Variants in FBXL14 observed in about 807,000 individuals in gnomAD.
FBXL14 encodes the protein F-box/LRR-repeat protein 14.
In FBXL14, 11 loss-of-function variants were observed where a neutral mutation model predicts 24.5. The observed-to-expected ratio is 0.45, with a 90% CI of 0.28 to 0.74. The LOEUF is 0.74. Among genes scored for constraint, FBXL14 ranks in the 30% least tolerant of loss-of-function variants. The pLI, the probability that FBXL14 is intolerant of heterozygous loss-of-function variation, is 0.12. For missense variants in FBXL14, 384 were observed against 545.6 expected (o/e 0.70, Z 2.95); for synonymous variants, 294 against 240.4 (o/e 1.22, Z -2.06).
At chr12:1,586,182 G>GGTTTTT (rs376550459) in intron 1 of FBXL14, among the ~76,000 whole-genome samples, 2 of 137,776 alleles carry the variant, frequency 1.5e-5, no homozygotes, top group African/African-American at 5.3e-5. Flanking sequence ...AGCATTTGGG[G>GGTTTTT]TTTTTTTTTT....
Position 1,566,793 on chromosome 12 carries a change from A to C in FBXL14, c.1212T>G (p.Phe404Leu). 1.3e-6 allele frequency: 1 copy of C among 781,054 alleles called. No homozygotes were observed. The highest frequency in any genetic ancestry group is 2.4e-6 in the Non-Finnish European group (1 of 418,108). 48.4% of individuals were successfully genotyped at this position (781,054 alleles called of 1,614,324 possible). A position where few individuals can be genotyped will look rare whatever the true frequency, so the allele number is the denominator to read the frequency against. ...TDSEKEARGD[F>L]SPLFTVRTRG... ...GAGTTCTCACAGTGAATAATGGAGA[A>C]AAATCCCCTCGTGCCTCCTGCAGTG... is the stretch of plus-strand genomic sequence containing the variant. Residue 404 changes from phenylalanine (F) to leucine (L), a missense_variant, in exon 2 of 2, where the codon TTT becomes TTG. Phe to Leu is a conservative substitution (Grantham distance 22). Transcript: ENST00000339235.
chr12:1,572,436 A>C (rs986026693), intron 1 of FBXL14, among the ~76,000 whole-genome samples: 1 of 152,256 alleles, frequency 6.6e-6, no homozygotes, highest in African/African-American at 2.4e-5. Flanking sequence ...CCCTTTCAAC[A>C]CAAGAACATT....
chr12:1,580,244 A>T (rs1398232713), intron 1 of FBXL14, among the ~76,000 whole-genome samples: 1 of 152,228 alleles, frequency 6.6e-6, no homozygotes, highest in East Asian at 1.9e-4. Context: ...ATGGACACAG[A>T]GCGAACGCTG....
At chr12:1,589,509 A>C (rs2094484690) in intron 1 of FBXL14, among the ~76,000 whole-genome samples, 1 of 149,482 alleles carries the variant, frequency 6.7e-6, no homozygotes, top group East Asian at 2.0e-4. Flanking sequence ...AGGGAAATGG[A>C]GAAATGGAGC....
At chr12:1,583,209 TTC>T (rs1342893919) in intron 1 of FBXL14, among the ~76,000 whole-genome samples, 2 of 152,156 alleles carry the variant, frequency 1.3e-5, no homozygotes, top group Non-Finnish European at 2.9e-5. Context: ...ACAGATACAC[TTC>T]TGATTTTTCT....
Position 1,593,686 on chromosome 12 carries a change from G to A in FBXL14, c.381C>T (p.Cys127=), listed in dbSNP as rs150585689. The change falls in exon 1 of 2, where the codon TGC becomes TGT. Residue 127 remains cysteine, a synonymous_variant. Transcript: ENST00000339235. The surrounding 1 kb of genome is among the most constrained non-coding windows in gnomAD (Gnocchi z 7.4). ...GSLRALNLSL[C]KQITDSSLGR... is the part of the protein sequence containing the mutation. ...CCAGGCTGCTGTCAGTGATCTGCTT[G>A]CAGAGGCTCAGGTTGAGAGCGCGCA... 11,723 of 1,614,158 alleles carry A rather than the reference G, an allele frequency of 7.3e-3. 55 individuals carry two copies. Among genetic ancestry groups the A allele is most frequent in the Non-Finnish European group, 8.9e-3 (10,483 of 1,180,024 alleles).
intron 1 of FBXL14, among the ~76,000 whole-genome samples, chr12:1,589,633 A>T (rs1169935415): frequency 1.3e-5 from 2 of 152,166 alleles, no homozygotes; most frequent in Non-Finnish European, 2.9e-5. Flanking sequence ...TTGAAGATTA[A>T]AACTTACAAG....
intron 1 of FBXL14, among the ~76,000 whole-genome samples, chr12:1,591,353 T>TG (rs951315361): frequency 1.3e-5 from 2 of 151,282 alleles, no homozygotes; most frequent in Non-Finnish European, 2.9e-5. Context: ...TGTTGTTTTT[T>TG]TTTTTTTTTT....
Position 1,582,290 on chromosome 12 carries a change from T to C in FBXL14, c.1194+10583A>G, listed in dbSNP as rs2094468201. Among the ~76,000 whole-genome samples, 4 of 152,104 alleles carry C rather than the reference T, an allele frequency of 2.6e-5. No homozygotes were observed. In the South Asian group the frequency reaches 8.3e-4, roughly 32 times the overall value. Reference sequence around the variant, plus strand: ...AAGAAAACGGAGTCCAGGAAAGCTGTTCTTGGAGGCTATGAATCAAGGAGC... The same window carrying C: ...AAGAAAACGGAGTCCAGGAAAGCTGCTCTTGGAGGCTATGAATCAAGGAGC... On this transcript the variant is annotated intron_variant, in intron 1 of 1. Coordinates refer to ENST00000339235, the MANE Select transcript of FBXL14 (RefSeq NM_152441.3).
intron 1 of FBXL14, among the ~76,000 whole-genome samples, chr12:1,576,119 AAAAC>A: frequency 6.7e-6 from 1 of 150,104 alleles, no homozygotes; most frequent in East Asian, 1.9e-4. Context: ...TTTATCTAAT[AAAAC>A]AAAATTACTG....
chr12:1,592,336 G>C (rs983084081), intron 1 of FBXL14, among the ~76,000 whole-genome samples: 7 of 151,790 alleles, frequency 4.6e-5, no homozygotes, highest in African/African-American at 1.7e-4. Flanking sequence ...GAATAGCAGA[G>C]TACTGTAAGA....
chr12:1,568,174 A>G (rs988526841), intron 1 of FBXL14, among the ~76,000 whole-genome samples: 1 of 152,246 alleles, frequency 6.6e-6, no homozygotes, highest in African/African-American at 2.4e-5. Flanking sequence ...AGTGAAAAAA[A>G]CACATTACCT....
chr12:1,571,245 G>A (rs1292563634), intron 1 of FBXL14, among the ~76,000 whole-genome samples: 1 of 151,826 alleles, frequency 6.6e-6, no homozygotes, highest in Admixed American at 6.6e-5. Flanking sequence ...TTTTGCTCTT[G>A]TTGGCCAGGC....
At position 1,594,205 on chromosome 12, in the gene FBXL14, T is replaced by C; in HGVS notation, c.-139A>G. ...CGCCTCGGGCCCAACGGCCGGCCCCTCCCCGCCTTCCGGCTCCGGCCGCCG... is the reference window on the plus strand; with the variant it reads ...CGCCTCGGGCCCAACGGCCGGCCCCCCCCCGCCTTCCGGCTCCGGCCGCCG... On this transcript the variant is annotated 5_prime_UTR_variant, in exon 1 of 2. Transcript: ENST00000339235. 2.3e-6 allele frequency: 1 copy of C among 438,286 alleles called. No homozygotes were observed. Among genetic ancestry groups the C allele is most frequent in the Middle Eastern group, 8.9e-4 (1 of 1,120 alleles). The allele number at this position is 438,286 out of a possible 1,614,324, so 27.1% of individuals were successfully genotyped here. A position where few individuals can be genotyped will look rare whatever the true frequency, so the allele number is the denominator to read the frequency against.
In FBXL14 at chr12:1,566,533, A is replaced by G. The variant is rs2094436612; in HGVS notation, c.*215T>C. On this transcript the variant is annotated 3_prime_UTR_variant, in exon 2 of 2. Coordinates refer to ENST00000339235, the MANE Select transcript of FBXL14 (RefSeq NM_152441.3). Reference sequence around the variant, plus strand: ...TCTCCTTGGATCCATAAAGGAAGCGAGGTCTCAGAGCAAACCACTGTCCCC... The same window carrying G: ...TCTCCTTGGATCCATAAAGGAAGCGGGGTCTCAGAGCAAACCACTGTCCCC... 2.2e-6 allele frequency: 1 copy of G among 457,430 alleles called. No individual in the cohort carries two copies. Among genetic ancestry groups the G allele is most frequent in the Admixed American group, 4.1e-5 (1 of 24,546 alleles). The allele number at this position is 457,430 out of a possible 1,614,324, so 28.3% of individuals were successfully genotyped here. A position where few individuals can be genotyped will look rare whatever the true frequency, so the allele number is the denominator to read the frequency against.
At chr12:1,570,955 A>G (rs1325939112) in intron 1 of FBXL14, among the ~76,000 whole-genome samples, 1 of 152,180 alleles carries the variant, frequency 6.6e-6, no homozygotes, top group East Asian at 1.9e-4. Context: ...GCTCCTCCAG[A>G]TGAGCGGTTG....
chr12:1,589,112 G>A (rs1022950017), intron 1 of FBXL14, among the ~76,000 whole-genome samples: 17 of 150,884 alleles, frequency 1.1e-4, no homozygotes, highest in East Asian at 2.0e-4. Flanking sequence ...CCTGGGCCAC[G>A]CAGAGTGGCT....
chr12:1,590,632 AC>A (rs1330214514), intron 1 of FBXL14, among the ~76,000 whole-genome samples: 1 of 151,990 alleles, frequency 6.6e-6, no homozygotes, highest in African/African-American at 2.4e-5. Context: ...CAGTCTAAAA[AC>A]CCTTGACAGA....
Position 1,576,879 on chromosome 12 carries a change from T to C in FBXL14, c.1195-10069A>G, listed in dbSNP as rs188680682. Among the ~76,000 whole-genome samples the C allele has an allele frequency of 2.4e-4, 37 of 152,342 alleles. No individual in the cohort carries two copies. In the East Asian group the frequency reaches 6.9e-3, roughly 29 times the overall value. On this transcript the variant is annotated intron_variant, in intron 1 of 1. Transcript: ENST00000339235. ...ATTTGTATTTTTTTAAAGTCATTCATAAACTTTAGCATTTTAACTATTAGT... is the reference window on the plus strand; with the variant it reads ...ATTTGTATTTTTTTAAAGTCATTCACAAACTTTAGCATTTTAACTATTAGT...
Sources: gnomAD v4.1 joint callset for allele counts (sites outside exome capture counted in the v4.1 genomes callset) on GRCh38, gnomAD v4.1.1 for gene constraint, Gnocchi (gnomAD v3.1) non-coding constraint, MANE v1.5 for transcripts, NCBI Gene and HGNC (gene_info 2026-07-23, HGNC 2026-07-21) for gene names.